ENO1: variants seen among roughly 807,000 people sequenced by gnomAD.
The protein encoded by ENO1 is enolase 1, also known as alpha-enolase.
A neutral mutation model predicts 46.3 loss-of-function variants in ENO1; 33 were observed. That is an observed-to-expected ratio of 0.71 (90% confidence interval 0.54 to 0.95). ENO1 has a LOEUF of 0.95. Among genes scored for constraint, ENO1 ranks in the 40% least tolerant of loss-of-function variants. The probability of loss-of-function intolerance (pLI) is 0.00; values close to 1 mark genes in which losing one functional copy is unlikely to be tolerated. For synonymous variants in ENO1, 220 were observed against 216.0 expected, an observed-to-expected ratio of 1.02 and a Z score of -0.16; for missense variants, 488 against 553.3, an observed-to-expected ratio of 0.88 and a Z score of 1.18.
chr1:8,864,003 C>T lies in ENO1; in HGVS notation c.955G>A (p.Asp319Asn), dbSNP rs1037805406. The change falls in exon 9 of 12, where the codon GAT becomes AAT. Residue 319 changes from aspartate (D) to asparagine (N), a missense_variant. By Grantham distance (23) the Asp-to-Asn change is conservative. Transcript: ENST00000234590. Reference sequence around the variant, plus strand: ...CTCTTTGGGTTGGTCACTGTGAGATCATCCCCCACTACCTGGATTCCTGCA... The same window carrying T: ...CTCTTTGGGTTGGTCACTGTGAGATTATCCCCCACTACCTGGATTCCTGCA... ...ASAGIQVVGD[D>N]LTVTNPKRIA... 1 of 1,614,166 alleles carries T rather than the reference C, an allele frequency of 6.2e-7. No homozygotes were observed. Among genetic ancestry groups the T allele is most frequent in the Non-Finnish European group, 8.5e-7 (1 of 1,180,032 alleles).
intron 3 of ENO1, 109 bp downstream of exon 3, chr1:8,871,782 C>T: frequency 7.6e-7 from 1 of 1,322,990 alleles, no homozygotes; most frequent in Non-Finnish European, 1.1e-6. Context: ...GCAGGTTTAC[C>T]TGCCATAAAC....
chr1:8,871,829 G>A (rs967256251), intron 3 of ENO1, 62 bp downstream of exon 3: 1 of 1,564,366 alleles, frequency 6.4e-7, no homozygotes, highest in Non-Finnish European at 8.8e-7. Flanking sequence ...GGACAGGACT[G>A]GGCAAGGCCA....
intron 3 of ENO1, chr1:8,871,082 A>C: frequency 7.4e-6 from 9 of 1,222,354 alleles, no homozygotes; most frequent in Non-Finnish European, 9.2e-6. Context: ...GCTCCGGCTA[A>C]GTCCCCACGT....
chr1:8,867,344 C>T, intron 5 of ENO1, 94 bp from the exon 6 acceptor site: 1 of 1,509,154 alleles, frequency 6.6e-7, no homozygotes, highest in Non-Finnish European at 9.0e-7. Context: ...TCTGCACCAT[C>T]TCCTCCCCCA....
chr1:8,875,288 C>T (rs1320935052), intron 1 of ENO1, among the ~76,000 whole-genome samples: 1 of 149,108 alleles, frequency 6.7e-6, no homozygotes, highest in Non-Finnish European at 1.5e-5. Context: ...CAATTGAGGT[C>T]TTGTTCTGTA....
chr1:8,865,869 G>A (rs1642501321), intron 7 of ENO1: 1 of 338,432 alleles, frequency 3.0e-6, no homozygotes, highest in African/African-American at 2.1e-5. Context: ...GGCAGCCCGG[G>A]ATGGCAGGAT....
At chr1:8,867,747 G>A (rs192019801) in intron 5 of ENO1, among the ~76,000 whole-genome samples, 17 of 152,102 alleles carry the variant, frequency 1.1e-4, no homozygotes, top group Admixed American at 5.9e-4. Flanking sequence ...GGCCAGGATG[G>A]TCTCGATCTC....
intron 3 of ENO1, 64 bp downstream of exon 3, chr1:8,871,827 C>G (rs1351798269): frequency 6.4e-7 from 1 of 1,562,730 alleles, no homozygotes; most frequent in Non-Finnish European, 8.8e-7. Flanking sequence ...GAGGACAGGA[C>G]TGGGCAAGGC....
At chr1:8,875,380 T>C (rs867285001) in intron 1 of ENO1, among the ~76,000 whole-genome samples, 4 of 150,748 alleles carry the variant, frequency 2.7e-5, no homozygotes, top group Non-Finnish European at 5.9e-5. Context: ...AATAGAAAGA[T>C]GAATGTGTTG....
chr1:8,871,165 C>A, intron 3 of ENO1: 1 of 1,106,378 alleles, frequency 9.0e-7, no homozygotes, highest in Non-Finnish European at 1.1e-6. Context: ...TAAAGCGGGA[C>A]TGAACACCCA....
rs569618357 is a variant in ENO1 at position 8,863,296 on chromosome 1, C to T, written c.1115G>A (p.Arg372His). The T allele has an allele frequency of 6.8e-6, 11 of 1,614,072 alleles. No homozygotes were observed. Among genetic ancestry groups the T allele is most frequent in the African/African-American group, 2.7e-5 (2 of 74,932 alleles). ...GAAGGTATCTTCAGTCTCCCCCGAA[C>T]GATGAGACACCATGACGCCCCAACC... The part of the protein sequence containing the change: ...ANGWGVMVSH[R>H]SGETEDTFIA... The change falls in exon 10 of 12, where the codon CGT (arginine) becomes CAT (histidine). Residue 372 changes from arginine (R) to histidine (H), a missense_variant. Transcript: ENST00000234590.
rs1642394892 is a variant in ENO1 at position 8,861,244 on chromosome 1, G to A, written c.*116C>T. 3 of 1,047,028 alleles carry A rather than the reference G, an allele frequency of 2.9e-6. No individual in the cohort carries two copies. The Admixed American group carries it at 6.1e-5, about 21-fold the overall frequency. The allele number at this position is 1,047,028 out of a possible 1,614,324, so 64.9% of individuals were successfully genotyped here. A position where few individuals can be genotyped will look rare whatever the true frequency, so the allele number is the denominator to read the frequency against. ...GGTACGAACTCCACGGCGGTGGGGCGCTAACTAGCAGGGACCCCTGCAAGT... is the reference window on the plus strand; with the variant it reads ...GGTACGAACTCCACGGCGGTGGGGCACTAACTAGCAGGGACCCCTGCAAGT... On this transcript the variant is annotated 3_prime_UTR_variant, in exon 12 of 12. Coordinates refer to ENST00000234590, the MANE Select transcript of ENO1 (RefSeq NM_001428.5).
intron 8 of ENO1, 145 bp from the exon 9 acceptor site, chr1:8,864,237 T>C (rs1462934427): frequency 2.4e-6 from 2 of 841,202 alleles, no homozygotes; most frequent in Admixed American, 1.9e-5. Context: ...CCCCAACTGA[T>C]CCTTGAAACA....
intron 4 of ENO1, 109 bp from the exon 5 acceptor site, chr1:8,868,166 C>G (rs1642563012): frequency 2.4e-6 from 2 of 824,760 alleles, no homozygotes; most frequent in African/African-American, 3.5e-5. Flanking sequence ...AAAATCAATT[C>G]TGTGATGTTT....
At chr1:8,870,666 A>C in intron 3 of ENO1, 156 bp from the exon 4 acceptor site, 1 of 1,485,158 alleles carries the variant, frequency 6.7e-7, no homozygotes, top group African/African-American at 1.4e-5. Context: ...CCAGAATCGG[A>C]GGACTTTCCG....
intron 1 of ENO1, chr1:8,876,218 C>T (rs1449090154): frequency 6.6e-6 from 1 of 152,208 alleles, no homozygotes. Context: ...CCTCCAACAT[C>T]TTCTCTGGAA....
chr1:8,870,266 A>C lies in ENO1; in HGVS notation c.240+186T>G, dbSNP rs965577520. On this transcript the variant is annotated intron_variant, in intron 4 of 11. Coordinates refer to ENST00000234590, the MANE Select transcript of ENO1 (RefSeq NM_001428.5). ...TTCTGATGCAATTCCATCTGCTCCCAAAAGTGGGGTGAGGCAGCGGGCAGG... is the reference window on the plus strand; with the variant it reads ...TTCTGATGCAATTCCATCTGCTCCCCAAAGTGGGGTGAGGCAGCGGGCAGG... The C allele has an allele frequency of 1.5e-5, 10 of 665,388 alleles. No individual in the cohort carries two copies. The African/African-American group carries it at 1.8e-4, about 12-fold the overall frequency. The allele number at this position is 665,388 out of a possible 1,614,324, so 41.2% of individuals were successfully genotyped here.
intron 4 of ENO1, among the ~76,000 whole-genome samples, chr1:8,868,953 G>A (rs1221288111): frequency 6.6e-6 from 1 of 152,126 alleles, no homozygotes; most frequent in Non-Finnish European, 1.5e-5. Context: ...CTCCTAAAGT[G>A]TTGGAATTAC....
Position 8,865,324 on chromosome 1 carries a change from G to C in ENO1, c.826C>G (p.Leu276Val). The C allele has an allele frequency of 6.2e-7, 1 of 1,614,202 alleles. No individual in the cohort carries two copies. Among genetic ancestry groups the C allele is most frequent in the Non-Finnish European group, 8.5e-7 (1 of 1,180,032 alleles). ...DPSRYISPDQ[L>V]ADLYKSFIKD... is the part of the protein sequence containing the mutation. Reference sequence around the variant, plus strand: ...ATGAAGGACTTGTACAGGTCAGCCAGCTGGTCAGGCGAGATGTACCTGCTG... The same window carrying C: ...ATGAAGGACTTGTACAGGTCAGCCACCTGGTCAGGCGAGATGTACCTGCTG... Residue 276 changes from leucine to valine, a missense_variant, in exon 8 of 12, where the codon CTG becomes GTG. Transcript: ENST00000234590.
Sources: allele counts gnomAD v4.1 joint callset (sites outside exome capture counted in the v4.1 genomes callset), GRCh38; gene constraint gnomAD v4.1.1; transcripts MANE v1.5; gene names NCBI Gene and HGNC (gene_info 2026-07-23, HGNC 2026-07-21).